Variants in ATRNL1 observed in about 807,000 individuals in gnomAD.
ATRNL1 encodes the protein attractin-like protein 1.
In ATRNL1, 95 loss-of-function variants were observed where a neutral mutation model predicts 182.7. That is an observed-to-expected ratio of 0.52 (90% CI 0.44 to 0.62). The LOEUF is 0.62. Among genes scored for constraint, ATRNL1 ranks in the 20% least tolerant of loss-of-function variants. The pLI, the probability that ATRNL1 is intolerant of heterozygous loss-of-function variation, is 0.00. For synonymous variants in ATRNL1, 576 were observed against 568.3 expected (o/e 1.01, Z -0.19); for missense variants, 1,471 against 1,679.5 (o/e 0.88, Z 2.17).
intron 5 of ATRNL1, among the ~76,000 whole-genome samples, chr10:115,135,673 G>A (rs1387875699): frequency 1.3e-5 from 2 of 152,036 alleles, no homozygotes; most frequent in African/African-American, 2.4e-5. Flanking sequence ...TCACAGAATT[G>A]GAAAAAACTA....
chr10:115,534,853 T>C (rs9665705), intron 25 of ATRNL1, among the ~76,000 whole-genome samples: 146,078 of 150,992 alleles, frequency 0.97, 70,707 homozygotes, highest in East Asian at 1. Flanking sequence ...TTTTATTTCT[T>C]CTTCACTTAT....
At chr10:115,647,041 A>G (rs1255005473) in intron 26 of ATRNL1, among the ~76,000 whole-genome samples, 3 of 146,690 alleles carry the variant, frequency 2.0e-5, no homozygotes, top group Non-Finnish European at 4.5e-5. Context: ...TATGAGTGAG[A>G]ACATGCAGTG....
intron 27 of ATRNL1, among the ~76,000 whole-genome samples, chr10:115,768,602 C>G (rs568279933): frequency 6.6e-6 from 1 of 152,248 alleles, no homozygotes; most frequent in South Asian, 2.1e-4. Context: ...TTTTCCTTGT[C>G]AGCAGCAACT....
chr10:115,264,819 A>T (rs1851538912), intron 10 of ATRNL1, among the ~76,000 whole-genome samples: 1 of 151,594 alleles, frequency 6.6e-6, no homozygotes, highest in South Asian at 2.1e-4. Flanking sequence ...GTCATATTTG[A>T]TTTAGTATTT....
At chr10:115,362,049 C>CAT (rs1206278821) in intron 19 of ATRNL1, among the ~76,000 whole-genome samples, 3 of 151,954 alleles carry the variant, frequency 2.0e-5, no homozygotes, top group African/African-American at 7.2e-5. Flanking sequence ...CTGATTAAGT[C>CAT]ATATGGCCTT....
chr10:115,891,981 G>A lies in ATRNL1; in HGVS notation c.4018+43990G>A, dbSNP rs929885343. Among the ~76,000 whole-genome samples, 10 of 152,144 alleles carry A rather than the reference G, an allele frequency of 6.6e-5. No homozygotes were observed. The East Asian group carries it at 1.7e-3, about 26-fold the overall frequency. On this transcript the variant is annotated intron_variant, in intron 28 of 28. Coordinates refer to ENST00000355044, the MANE Select transcript of ATRNL1 (RefSeq NM_207303.4). Reference sequence around the variant, plus strand: ...TTTACTTCCTGAATGGTAGATGCAGGGTAAGAAAAGCAAAACCAGCTTCAT... The same window carrying A: ...TTTACTTCCTGAATGGTAGATGCAGAGTAAGAAAAGCAAAACCAGCTTCAT...
rs547529576 is a variant in ATRNL1, at chr10:115,806,857, C to T, written c.3904-41020C>T. Reference sequence around the variant, plus strand: ...TATGAGGATTAAATTAGTTAATATGCATAGTACCTGGTATATACAAAGTAC... The same window carrying T: ...TATGAGGATTAAATTAGTTAATATGTATAGTACCTGGTATATACAAAGTAC... On this transcript the variant is annotated intron_variant, in intron 27 of 28. Transcript: ENST00000355044. Among the ~76,000 whole-genome samples, 3 of 152,196 alleles carry T rather than the reference C, an allele frequency of 2.0e-5. No homozygotes were observed. In the South Asian group the frequency reaches 6.2e-4, roughly 32 times the overall value.
intron 6 of ATRNL1, among the ~76,000 whole-genome samples, chr10:115,163,844 T>A (rs1318923382): frequency 6.6e-6 from 1 of 152,118 alleles, no homozygotes; most frequent in Admixed American, 6.6e-5. Flanking sequence ...GGTGGACTAG[T>A]GGTGTGAATC....
chr10:115,831,152 C>T (rs1555093567), intron 27 of ATRNL1, among the ~76,000 whole-genome samples: 1 of 152,126 alleles, frequency 6.6e-6, no homozygotes, highest in African/African-American at 2.4e-5. Flanking sequence ...CTGGTTGGTT[C>T]GTTGGTATTT....
chr10:115,473,610 ACT>A (rs1225211698), intron 24 of ATRNL1, among the ~76,000 whole-genome samples: 3 of 151,160 alleles, frequency 2.0e-5, no homozygotes. Context: ...GGAAGTGTTC[ACT>A]CTACTTCATC....
chr10:115,512,356 T>C (rs1393086362), intron 24 of ATRNL1, among the ~76,000 whole-genome samples: 1 of 151,886 alleles, frequency 6.6e-6, no homozygotes, highest in African/African-American at 2.4e-5. Context: ...AGAAATAATA[T>C]TTCATGTAAT....
At chr10:115,551,223 T>G (rs557554176) in intron 26 of ATRNL1, among the ~76,000 whole-genome samples, 1 of 151,820 alleles carries the variant, frequency 6.6e-6, no homozygotes, top group East Asian at 1.9e-4. Flanking sequence ...ACTTTCATAC[T>G]TCTCAAAATG....
At chr10:115,742,415 G>A (rs1400486076) in intron 27 of ATRNL1, among the ~76,000 whole-genome samples, 1 of 152,070 alleles carries the variant, frequency 6.6e-6, no homozygotes, top group Non-Finnish European at 1.5e-5. Flanking sequence ...TTTGATAGGA[G>A]TTTACCTTCG....
At chr10:115,750,275 A>T (rs1948410258) in intron 27 of ATRNL1, among the ~76,000 whole-genome samples, 1 of 151,976 alleles carries the variant, frequency 6.6e-6, no homozygotes, top group Admixed American at 6.6e-5. Context: ...ATAATAGTTT[A>T]AAAGAAAGGT....
intron 20 of ATRNL1, among the ~76,000 whole-genome samples, chr10:115,397,474 G>A (rs979009): frequency 0.38 from 57,853 of 151,642 alleles, 12,204 homozygotes; most frequent in African/African-American, 0.57. Context: ...ACTTGTCTGT[G>A]TCCTTTACTA....
intron 21 of ATRNL1, among the ~76,000 whole-genome samples, chr10:115,445,201 G>T (rs1846899254): frequency 6.7e-6 from 1 of 150,172 alleles, no homozygotes; most frequent in African/African-American, 2.4e-5. Flanking sequence ...GACTGAGACG[G>T]GTAGATCACC....
chr10:115,544,110 G>C (rs782804248), intron 25 of ATRNL1, among the ~76,000 whole-genome samples: 8 of 152,080 alleles, frequency 5.3e-5, no homozygotes, highest in Non-Finnish European at 1.2e-4. Flanking sequence ...GAAAGCAGTA[G>C]ATACTTATTT....
chr10:115,461,946 C>A lies in ATRNL1; in HGVS notation c.3328C>A (p.Leu1110Ile). 6.2e-7 allele frequency: 1 copy of A among 1,608,658 alleles called. No homozygotes were observed. Among genetic ancestry groups the A allele is most frequent in the Non-Finnish European group, 8.5e-7 (1 of 1,177,482 alleles). ...ACTTTTTTTCCTCCCTACAGACAGC[C>A]TTTTGATTGATTATCAATTTACCTT... ...NPLRGTCYYS[L>I]LIDYQFTFSL... is the part of the protein sequence containing the mutation. The change falls in exon 22 of 29, where the codon CTT becomes ATT. Residue 1110 changes from leucine (L) to isoleucine (I), a missense_variant. This residue lies in a region of ATRNL1 where 437 missense variants were observed against 506.0 expected (regional missense o/e 0.86). Coordinates refer to ENST00000355044, the MANE Select transcript of ATRNL1 (RefSeq NM_207303.4).
At chr10:115,809,459 A>G (rs1949998038) in intron 27 of ATRNL1, among the ~76,000 whole-genome samples, 1 of 152,014 alleles carries the variant, frequency 6.6e-6, no homozygotes, top group Non-Finnish European at 1.5e-5. Context: ...AAGTTAAATA[A>G]TATTACCTCT....
Sources: gnomAD v4.1 joint callset for allele counts (sites outside exome capture counted in the v4.1 genomes callset) on GRCh38, gnomAD v4.1.1 for gene constraint, gnomAD v4.1.1 regional missense constraint, MANE v1.5 for transcripts, NCBI Gene and HGNC (gene_info 2026-07-23, HGNC 2026-07-21) for gene names.